PCDHA2: variants seen among roughly 807,000 people sequenced by gnomAD.
PCDHA2 encodes protocadherin alpha-2.
A neutral mutation model predicts 66.0 loss-of-function variants in PCDHA2; 58 were observed. The observed-to-expected ratio is 0.88, with a 90% CI of 0.71 to 1.09. PCDHA2 has a LOEUF of 1.09. PCDHA2 is among the 50% of genes least tolerant of loss of function. PCDHA2 has a pLI of 0.00. For synonymous variants in PCDHA2, 634 were observed against 554.0 expected (o/e 1.14, Z -2.03); for missense variants, 1,267 against 1,242.3 (o/e 1.02, Z -0.30).
rs782362205 is a variant in PCDHA2 at position 141,009,960 on chromosome 5, A to G, written c.*23A>G. The G allele has an allele frequency of 6.3e-7, 1 of 1,589,232 alleles. No homozygotes were observed. The highest frequency in any genetic ancestry group is 2.2e-5 in the East Asian group (1 of 44,694). On this transcript the variant is annotated 3_prime_UTR_variant, in exon 4 of 4. Transcript: ENST00000526136. The stretch of plus-strand genomic sequence containing the variant: ...TGAGGTCCTCAAATGGAAACAAGCC[A>G]CTTAGCCAGTTTTTGTAATAATGGC...
chr5:140,985,533 G>T (rs2097156708), intron 3 of PCDHA2, among the ~76,000 whole-genome samples: 1 of 152,082 alleles, frequency 6.6e-6, no homozygotes, highest in Admixed American at 6.6e-5. Context: ...AAGCTTCACG[G>T]TGAAGATGCA....
rs1563650230 is a variant in PCDHA2, at chr5:141,000,393, C to CTA, written c.2537-9233_2537-9232insAT. Among the ~76,000 whole-genome samples, 150 of 52,842 alleles carry CTA rather than the reference C, an allele frequency of 2.8e-3. 1 individual carries two copies. The highest frequency in any genetic ancestry group is 4.0e-3 in the Non-Finnish European group (125 of 31,360). 34.7% of individuals were successfully genotyped at this position (52,842 alleles called of 152,430 possible). A position where few individuals can be genotyped will look rare whatever the true frequency, so the allele number is the denominator to read the frequency against. On this transcript the variant is annotated intron_variant, in intron 3 of 3. Coordinates refer to ENST00000526136, the MANE Select transcript of PCDHA2 (RefSeq NM_018905.3). ...TCTCTCTCTCTCTCTCTCTCTCTCT[C>CTA]TCTATATATATATATATATATATAT... is the stretch of plus-strand genomic sequence containing the variant.
At chr5:140,833,108 C>T (rs1340494019) in intron 1 of PCDHA2, among the ~76,000 whole-genome samples, 2 of 152,180 alleles carry the variant, frequency 1.3e-5, no homozygotes, top group African/African-American at 4.8e-5. Context: ...TTTTGACACT[C>T]TTCAAAGTCA....
In PCDHA2 at chr5:140,852,913, C is replaced by T. The variant is rs1049603873; in HGVS notation, c.2388+55561C>T. ...TTTTTTTTTGAGTCAGAGTCTCGCTCTGTTGCCCAGGCTGGAGTGCAGTGG... is the reference window on the plus strand; with the variant it reads ...TTTTTTTTTGAGTCAGAGTCTCGCTTTGTTGCCCAGGCTGGAGTGCAGTGG... On this transcript the variant is annotated intron_variant, in intron 1 of 3. Coordinates refer to ENST00000526136, the MANE Select transcript of PCDHA2 (RefSeq NM_018905.3). 2.0e-4 allele frequency: 157 copies of T among 789,674 alleles called. 4 individuals are homozygous for T. The highest frequency in any genetic ancestry group is 2.4e-4 in the Non-Finnish European group (154 of 638,000). 48.9% of individuals were successfully genotyped at this position (789,674 alleles called of 1,614,324 possible). A position where few individuals can be genotyped will look rare whatever the true frequency, so the allele number is the denominator to read the frequency against.
chr5:140,973,105 G>C (rs1166565820), intron 1 of PCDHA2, among the ~76,000 whole-genome samples: 1 of 152,180 alleles, frequency 6.6e-6, no homozygotes, highest in Non-Finnish European at 1.5e-5. Flanking sequence ...AATTATGAAA[G>C]AGTAGCAGAG....
rs2154002003 is a variant in PCDHA2, at chr5:141,010,389, G to GAC, written c.*453_*454dup. The stretch of plus-strand genomic sequence containing the variant: ...TATGCGAGTGCCAGATATTGGCTGA[G>GAC]ACGAGCCAGCTTAGACTAATTGGTA... On this transcript the variant is annotated 3_prime_UTR_variant, in exon 4 of 4. Coordinates refer to ENST00000526136, the MANE Select transcript of PCDHA2 (RefSeq NM_018905.3). 1.4e-6 allele frequency: 2 copies of GAC among 1,400,314 alleles called. No individual in the cohort carries two copies. The highest frequency in any genetic ancestry group is 5.0e-5 in the East Asian group (2 of 40,030). The allele number at this position is 1,400,314 out of a possible 1,614,324, so 86.7% of individuals were successfully genotyped here. A position where few individuals can be genotyped will look rare whatever the true frequency, so the allele number is the denominator to read the frequency against.
chr5:140,796,186 G>A lies in PCDHA2; in HGVS notation c.1222G>A (p.Val408Met), dbSNP rs1554119753. The change falls in exon 1 of 4, where the codon GTG becomes ATG. Residue 408 changes from valine (V) to methionine (M), a missense_variant. Coordinates refer to ENST00000526136, the MANE Select transcript of PCDHA2 (RefSeq NM_018905.3). Reference protein sequence around the residue: ...VSTFKNYYSLVLDSALDRESV... With the variant: ...VSTFKNYYSLMLDSALDRESV... ...CACCTTCAAGAATTACTACTCGTTG[G>A]TGCTGGACAGCGCCCTGGACCGCGA... The A allele has an allele frequency of 6.2e-7, 1 of 1,614,082 alleles. No individual in the cohort carries two copies.
At chr5:140,937,658 A>T (rs1045534345) in intron 1 of PCDHA2, among the ~76,000 whole-genome samples, 2 of 151,280 alleles carry the variant, frequency 1.3e-5, no homozygotes, top group Non-Finnish European at 2.9e-5. Flanking sequence ...CACGCCTGTA[A>T]TCCCAGCACT....
intron 1 of PCDHA2, among the ~76,000 whole-genome samples, chr5:140,889,614 AT>A (rs1488109035): frequency 5.9e-5 from 9 of 151,496 alleles, no homozygotes; most frequent in Admixed American, 5.9e-4. Flanking sequence ...AATTATACTG[AT>A]TCATTTCTCT....
chr5:140,928,084 C>T (rs782346696), intron 1 of PCDHA2: 2 of 1,614,232 alleles, frequency 1.2e-6, no homozygotes, highest in Non-Finnish European at 1.7e-6. Context: ...CTACAGCCTG[C>T]TGATTGATGG....
chr5:140,967,876 G>T, intron 1 of PCDHA2: 1 of 1,614,144 alleles, frequency 6.2e-7, no homozygotes, highest in Non-Finnish European at 8.5e-7. Context: ...TCACGGACCT[G>T]TATAGCCCAG....
intron 1 of PCDHA2, chr5:140,968,861 C>T (rs139036960): frequency 5.6e-5 from 90 of 1,614,182 alleles, no homozygotes; most frequent in Admixed American, 2.8e-4. Flanking sequence ...TAAGAGCCCT[C>T]GGACATACTC....
At chr5:140,829,868 A>C in intron 1 of PCDHA2, 1 of 1,613,886 alleles carries the variant, frequency 6.2e-7, no homozygotes, top group Non-Finnish European at 8.5e-7. Flanking sequence ...AGTGGTGGCG[A>C]AGGTGCGCGC....
At chr5:140,923,910 C>T (rs1280601799) in intron 1 of PCDHA2, among the ~76,000 whole-genome samples, 5 of 152,156 alleles carry the variant, frequency 3.3e-5, no homozygotes, top group African/African-American at 1.2e-4. Flanking sequence ...GTGAAGATTT[C>T]CCATACTGTT....
At chr5:140,841,597 C>G (rs2150318902) in intron 1 of PCDHA2, 20 of 1,614,072 alleles carry the variant, frequency 1.2e-5, no homozygotes, top group East Asian at 2.2e-5. Context: ...GGATCGACCG[C>G]GAGGAGCTGT....
intron 1 of PCDHA2, chr5:140,843,736 A>G: frequency 6.5e-7 from 1 of 1,547,470 alleles, no homozygotes; most frequent in African/African-American, 1.4e-5. Context: ...TTAAATTTAG[A>G]ACTCATAAAT....
intron 1 of PCDHA2, among the ~76,000 whole-genome samples, chr5:140,916,747 G>T (rs1445361224): frequency 2.6e-5 from 4 of 152,220 alleles, no homozygotes; most frequent in African/African-American, 9.6e-5. Context: ...TTCACTGCCT[G>T]GGATTAGGGG....
intron 1 of PCDHA2, among the ~76,000 whole-genome samples, chr5:140,936,534 T>C (rs1327354780): frequency 1.3e-5 from 2 of 152,230 alleles, no homozygotes; most frequent in African/African-American, 2.4e-5. Context: ...TGCTTTTGAA[T>C]ATAGTGCAAT....
rs2150129029 is a variant in PCDHA2, at chr5:140,823,775, C to T, written c.2388+26423C>T. On this transcript the variant is annotated intron_variant, in intron 1 of 3. Coordinates refer to ENST00000526136, the MANE Select transcript of PCDHA2 (RefSeq NM_018905.3). Reference sequence around the variant, plus strand: ...ACAGCCACAGCCACAGTGCTGGTGTCGCTGGTGGAAAGTGGCCAGGCGCCG... The same window carrying T: ...ACAGCCACAGCCACAGTGCTGGTGTTGCTGGTGGAAAGTGGCCAGGCGCCG... 5 of 1,613,850 alleles carry T rather than the reference C, an allele frequency of 3.1e-6. No homozygotes were observed. The South Asian group carries it at 5.5e-5, about 18-fold the overall frequency.
Sources: allele counts gnomAD v4.1 joint callset (sites outside exome capture counted in the v4.1 genomes callset), GRCh38; gene constraint gnomAD v4.1.1; transcripts MANE v1.5; gene names NCBI Gene and HGNC (gene_info 2026-07-23, HGNC 2026-07-21).